Variants in NCK1 observed in about 807,000 individuals in gnomAD.
NCK1 encodes the protein NCK adaptor protein 1, also known as SH2/SH3 adapter protein NCK1.
Under a neutral mutation model 36.6 loss-of-function variants are expected in NCK1, and 19 were observed. The ratio of observed to expected loss-of-function variants is 0.52; its 90% CI spans 0.36 to 0.76. The LOEUF is 0.76. NCK1 is among the 30% of genes least tolerant of loss of function. The pLI, the probability that NCK1 is intolerant of heterozygous loss-of-function variation, is 0.00. For missense variants in NCK1, 358 were observed against 445.6 expected (o/e 0.80, Z 1.77); for synonymous variants, 165 against 156.0 (o/e 1.06, Z -0.43).
chr3:136,892,753 A>G (rs1939281729), intron 1 of NCK1, among the ~76,000 whole-genome samples: 1 of 152,224 alleles, frequency 6.6e-6, no homozygotes, highest in Non-Finnish European at 1.5e-5. Flanking sequence ...AGCATTAGGC[A>G]ATTAATACAA....
intron 2 of NCK1, among the ~76,000 whole-genome samples, chr3:136,942,416 G>A (rs1467093178): frequency 6.6e-6 from 1 of 152,164 alleles, no homozygotes; most frequent in Admixed American, 6.5e-5. Context: ...GGCCGCTGAA[G>A]TCTATTCCAT....
intron 1 of NCK1, among the ~76,000 whole-genome samples, chr3:136,878,867 T>C (rs1036778599): frequency 6.6e-6 from 1 of 152,114 alleles, no homozygotes; most frequent in African/African-American, 2.4e-5. Context: ...CAGAAAACAC[T>C]GAATTAAGTT....
intron 1 of NCK1, among the ~76,000 whole-genome samples, chr3:136,889,999 C>A (rs9838022): frequency 6.6e-6 from 1 of 151,962 alleles, no homozygotes; most frequent in African/African-American, 2.4e-5. Context: ...GCTGTGTGCC[C>A]GCACTCCTGA....
intron 1 of NCK1, among the ~76,000 whole-genome samples, chr3:136,890,075 G>A (rs904292917): frequency 7.9e-5 from 12 of 152,158 alleles, no homozygotes; most frequent in Admixed American, 7.9e-4. Context: ...GGGAGGCTCG[G>A]GCGGCACAGC....
intron 1 of NCK1, among the ~76,000 whole-genome samples, chr3:136,926,500 C>A (rs1405449680): frequency 6.6e-6 from 1 of 152,072 alleles, no homozygotes; most frequent in Non-Finnish European, 1.5e-5. Flanking sequence ...TGGTCTCGAT[C>A]TCCTGAACTT....
At chr3:136,928,387 A>C (rs1940301669) in intron 2 of NCK1, 160 bp downstream of exon 2, 2 of 652,444 alleles carry the variant, frequency 3.1e-6, no homozygotes, top group African/African-American at 3.7e-5. Context: ...AGACCAGTGA[A>C]GGTCATAAGT....
chr3:136,896,797 C>T (rs75645094), intron 1 of NCK1, among the ~76,000 whole-genome samples: 2,346 of 151,756 alleles, frequency 0.015, 72 homozygotes, highest in African/African-American at 0.053. Context: ...CTGTGCCTGG[C>T]CCCATACATC....
chr3:136,931,841 T>C (rs1940398121), intron 2 of NCK1, among the ~76,000 whole-genome samples: 1 of 152,110 alleles, frequency 6.6e-6, no homozygotes, highest in African/African-American at 2.4e-5. Context: ...CCATTGTGGC[T>C]AGGCGTGGCA....
At chr3:136,911,338 A>G (rs755154985) in intron 1 of NCK1, among the ~76,000 whole-genome samples, 3 of 152,186 alleles carry the variant, frequency 2.0e-5, no homozygotes, top group Admixed American at 6.5e-5. Flanking sequence ...ACTCTTTTTC[A>G]TAATGGCTGT....
intron 1 of NCK1, among the ~76,000 whole-genome samples, chr3:136,873,306 C>G (rs2108069969): frequency 6.6e-6 from 1 of 152,304 alleles, no homozygotes; most frequent in South Asian, 2.1e-4. Flanking sequence ...TAAGATTTGA[C>G]TGCCCTGCTG....
rs1939162194 is a variant in NCK1, at chr3:136,889,228, A to C, written c.-19+26875A>C. The C allele has an allele frequency of 3.6e-5, 6 of 166,386 alleles. No individual in the cohort carries two copies. The South Asian group carries it at 1.1e-3, about 31-fold the overall frequency. 10.3% of individuals were successfully genotyped at this position (166,386 alleles called of 1,614,324 possible). A position where few individuals can be genotyped will look rare whatever the true frequency, so the allele number is the denominator to read the frequency against. On this transcript the variant is annotated intron_variant, in intron 1 of 3. Coordinates refer to ENST00000481752, the MANE Select transcript of NCK1 (RefSeq NM_001291999.2). ...CTAAGGTTCATCCATGTTATAGCAC[A>C]TACTGGTACTGTGTCTGGAATTGGT...
chr3:136,912,763 C>G lies in NCK1; in HGVS notation c.-18-15221C>G, dbSNP rs191005468. ...CTCAAACTCCTGGGCTCAAGCAGTC[C>G]CCCTGCTTCAGCTTCCTGAGTAGCT... On this transcript the variant is annotated intron_variant, in intron 1 of 3. Transcript: ENST00000481752. Among the ~76,000 whole-genome samples the G allele has an allele frequency of 2.4e-4, 37 of 152,080 alleles. 1 individual carries two copies. In the East Asian group the frequency reaches 7.0e-3, roughly 29 times the overall value.
chr3:136,904,588 G>C, intron 1 of NCK1, among the ~76,000 whole-genome samples: 1 of 152,162 alleles, frequency 6.6e-6, no homozygotes, highest in East Asian at 1.9e-4. Flanking sequence ...AGAATTCTGT[G>C]TATTTGATTT....
Position 136,936,102 on chromosome 3 carries a change from G to A in NCK1, c.226+7875G>A, listed in dbSNP as rs368075741. ...GTCACACAGGCTGGAGTGCAGTGAC[G>A]TGATCTCAGCTCACTGCAACCTCTG... On this transcript the variant is annotated intron_variant, in intron 2 of 3. Coordinates refer to ENST00000481752, the MANE Select transcript of NCK1 (RefSeq NM_001291999.2). Among the ~76,000 whole-genome samples, 32 of 147,714 alleles carry A rather than the reference G, an allele frequency of 2.2e-4. No individual in the cohort carries two copies. The East Asian group carries it at 5.2e-3, about 24-fold the overall frequency.
At chr3:136,923,456 G>GAGGCAGGAGA (rs1940164074) in intron 1 of NCK1, among the ~76,000 whole-genome samples, 1 of 152,098 alleles carries the variant, frequency 6.6e-6, no homozygotes, top group African/African-American at 2.4e-5. Flanking sequence ...CTCGGAGGCT[G>GAGGCAGGAGA]AGGCAGGAGA....
chr3:136,916,278 G>A (rs1939961761), intron 1 of NCK1, among the ~76,000 whole-genome samples: 1 of 152,100 alleles, frequency 6.6e-6, no homozygotes, highest in East Asian at 1.9e-4. Flanking sequence ...GGCATGAGGG[G>A]GAATTGGAAT....
chr3:136,919,062 A>G (rs1364496775), intron 1 of NCK1, among the ~76,000 whole-genome samples: 1 of 152,232 alleles, frequency 6.6e-6, no homozygotes, highest in Admixed American at 6.5e-5. Flanking sequence ...CACAACACAA[A>G]TGAAACAAAT....
Position 136,945,624 on chromosome 3 carries a change from G to C in NCK1, c.268G>C (p.Ala90Pro), listed in dbSNP as rs1314939238. 1.2e-6 allele frequency: 2 copies of C among 1,613,460 alleles called. No homozygotes were observed. The highest frequency in any genetic ancestry group is 8.5e-7 in the Non-Finnish European group (1 of 1,179,708). ...VKRKPSVPDS[A>P]SPADDSFVDP... ...AAGAAAACCTAGTGTGCCAGATTCT[G>C]CATCTCCTGCTGATGATAGTTTTGT... Residue 90 changes from alanine to proline, a missense_variant, in exon 3 of 4, where the codon GCA becomes CCA. Ala to Pro is a conservative substitution (Grantham distance 27). Coordinates refer to ENST00000481752, the MANE Select transcript of NCK1 (RefSeq NM_001291999.2).
intron 2 of NCK1, among the ~76,000 whole-genome samples, chr3:136,929,518 G>A (rs1940338651): frequency 6.6e-6 from 1 of 152,124 alleles, no homozygotes; most frequent in South Asian, 2.1e-4. Context: ...TTTTTCAATG[G>A]AAGACAAATC....
Sources: gnomAD v4.1 joint callset for allele counts (sites outside exome capture counted in the v4.1 genomes callset) on GRCh38, gnomAD v4.1.1 for gene constraint, MANE v1.5 for transcripts, NCBI Gene and HGNC (gene_info 2026-07-23, HGNC 2026-07-21) for gene names.